OCA2: variants seen among roughly 807,000 people sequenced by gnomAD.
The protein encoded by OCA2 is OCA2 melanosomal transmembrane protein.
OCA2 carries 77 observed loss-of-function variants against 100.2 expected under a neutral mutation model. That is an observed-to-expected ratio of 0.77 (90% CI 0.64 to 0.93). OCA2 has a LOEUF of 0.93. OCA2 is among the 40% of genes least tolerant of loss of function. The probability of loss-of-function intolerance (pLI) is 0.00; values close to 1 mark genes in which losing one functional copy is unlikely to be tolerated. For synonymous variants in OCA2, 432 were observed against 439.2 expected, an observed-to-expected ratio of 0.98 and a Z score of 0.21; for missense variants, 1,062 against 1,089.1, an observed-to-expected ratio of 0.98 and a Z score of 0.35.
In OCA2 at chr15:28,027,897, G is replaced by A. The variant is rs753960045; in HGVS notation, c.489C>T (p.His163=). 2.5e-5 allele frequency: 40 copies of A among 1,613,498 alleles called. No homozygotes were observed. In the South Asian group the frequency reaches 3.7e-4, roughly 15 times the overall value. The change falls in exon 4 of 24, where the codon CAC becomes CAT. Residue 163 remains histidine, a synonymous_variant. Coordinates refer to ENST00000354638, the MANE Select transcript of OCA2 (RefSeq NM_000275.3). The part of the protein sequence containing the change: ...SEKGDLLDSP[H]IRLRLSKLRR... ...TCAGCTTGGAAAGACGGAGTCGGAT[G>A]TGCGGGCTGTCCAGAAGGTCTCCCT...
At position 28,081,707 on chromosome 15, in the gene OCA2, G is replaced by A. The variant is rs1015230945; in HGVS notation, c.168C>T (p.Ala56=). 12 of 1,613,682 alleles carry A rather than the reference G, an allele frequency of 7.4e-6. No individual in the cohort carries two copies. In the Middle Eastern group the frequency reaches 4.9e-4, roughly 66 times the overall value. Residue 56 remains alanine, a synonymous_variant, in exon 2 of 24, where the codon GCC becomes GCT. Coordinates refer to ENST00000354638, the MANE Select transcript of OCA2 (RefSeq NM_000275.3). ...CTGCAGGAGCCCAAGAGCTCTGCCC[G>A]GCAGCCCCCCTGGGGCAGGAGTGCG... ...DPSHSCPRGA[A]GQSSWAPAGQ... is the part of the protein sequence containing the mutation.
Position 27,874,107 on chromosome 15 carries a change from G to A in OCA2, c.2080-2185C>T, listed in dbSNP as rs542936579. Among the ~76,000 whole-genome samples the A allele has an allele frequency of 8.1e-4, 124 of 152,336 alleles. 1 individual carries two copies. Among genetic ancestry groups the A allele is most frequent in the Middle Eastern group, 6.8e-3 (2 of 294 alleles). ...TCATTGCTACCACTTATTTCAAAAT[G>A]ATAAACTAGGAGGTCTAAGAGTCCC... On this transcript the variant is annotated intron_variant, in intron 19 of 23. Coordinates refer to ENST00000354638, the MANE Select transcript of OCA2 (RefSeq NM_000275.3).
At chr15:27,735,746 A>AAAAAAAC in the OCA2 span, among the ~76,000 whole-genome samples, 1 of 151,848 alleles carries the variant, frequency 6.6e-6, no homozygotes, top group Non-Finnish European at 1.5e-5. Flanking sequence ...ACAAAAAAAC[A>AAAAAAAC]AAAAAACAAA....
chr15:28,054,208 G>GTGTA (rs920617033), intron 2 of OCA2, among the ~76,000 whole-genome samples: 1 of 149,152 alleles, frequency 6.7e-6, no homozygotes, highest in Admixed American at 6.6e-5. Context: ...ACATGTATGT[G>GTGTA]TGTATGTATG....
intron 18 of OCA2, among the ~76,000 whole-genome samples, chr15:27,932,018 C>T (rs1205258311): frequency 2.0e-5 from 3 of 152,178 alleles, no homozygotes; most frequent in Non-Finnish European, 4.4e-5. Flanking sequence ...AGCAAGGCAC[C>T]ACTTTGAATT....
At chr15:27,824,292 T>G (rs1050521667) in intron 23 of OCA2, among the ~76,000 whole-genome samples, 18 of 151,970 alleles carry the variant, frequency 1.2e-4, no homozygotes, top group Non-Finnish European at 2.4e-4. Context: ...TGCTTGAACC[T>G]GGGAGGCAGA....
intron 19 of OCA2, among the ~76,000 whole-genome samples, chr15:27,893,856 C>G (rs953767469): frequency 5.3e-5 from 8 of 152,056 alleles, no homozygotes; most frequent in African/African-American, 1.7e-4. Flanking sequence ...TTTGTTGGAC[C>G]CTTATCAGTG....
At chr15:28,044,809 G>T (rs1347755129) in intron 2 of OCA2, among the ~76,000 whole-genome samples, 1 of 152,006 alleles carries the variant, frequency 6.6e-6, no homozygotes, top group Non-Finnish European at 1.5e-5. Context: ...TACTTTTTCT[G>T]ATATTAATAT....
intron 19 of OCA2, among the ~76,000 whole-genome samples, chr15:27,921,613 A>G (rs2594919): frequency 0.64 from 97,140 of 152,102 alleles, 31,628 homozygotes; most frequent in East Asian, 0.96. Flanking sequence ...TCCGTGTATA[A>G]ATTTTGACTC....
At chr15:27,895,081 C>T (rs1278369669) in intron 19 of OCA2, among the ~76,000 whole-genome samples, 1 of 152,144 alleles carries the variant, frequency 6.6e-6, no homozygotes, top group Non-Finnish European at 1.5e-5. Context: ...ATTCCTGGGT[C>T]TTCTGTAGGC....
chr15:28,051,535 G>C (rs1006669464), intron 2 of OCA2, among the ~76,000 whole-genome samples: 9 of 147,116 alleles, frequency 6.1e-5, no homozygotes, highest in Non-Finnish European at 1.2e-4. Flanking sequence ...CAGGTGATCC[G>C]CCCGCCTCAG....
chr15:28,027,793 T>G, intron 4 of OCA2, 78 bp downstream of exon 4: 1 of 1,445,844 alleles, frequency 6.9e-7, no homozygotes, highest in Non-Finnish European at 9.6e-7. Flanking sequence ...CGCTGCTGGT[T>G]TGAAAGATGG....
At chr15:27,953,918 C>A (rs2040123650) in intron 17 of OCA2, among the ~76,000 whole-genome samples, 1 of 151,978 alleles carries the variant, frequency 6.6e-6, no homozygotes, top group South Asian at 2.1e-4. Context: ...CACTCCCACC[C>A]TTCCCCTCAA....
intron 21 of OCA2, among the ~76,000 whole-genome samples, chr15:27,853,588 A>G (rs1219501160): frequency 6.6e-6 from 1 of 152,022 alleles, no homozygotes; most frequent in Non-Finnish European, 1.5e-5. Context: ...AAAGAAAAAA[A>G]AAAAAAGAAA....
At chr15:27,793,847 G>A (rs137920156) in intron 23 of OCA2, among the ~76,000 whole-genome samples, 37 of 152,328 alleles carry the variant, frequency 2.4e-4, no homozygotes, top group African/African-American at 8.9e-4. Flanking sequence ...TTGCCAGGGG[G>A]CTGGGAGATG....
intron 2 of OCA2, 115 bp from the exon 3 acceptor site, chr15:28,032,278 G>A: frequency 1.2e-6 from 1 of 864,770 alleles, no homozygotes; most frequent in Admixed American, 1.9e-5. Context: ...AATCTTACAA[G>A]GAAATTTGCC....
chr15:27,792,583 G>A (rs2033136635), intron 23 of OCA2, among the ~76,000 whole-genome samples: 1 of 152,072 alleles, frequency 6.6e-6, no homozygotes, highest in African/African-American at 2.4e-5. Context: ...TTCCATCTAT[G>A]GGGTCCATAA....
intron 2 of OCA2, among the ~76,000 whole-genome samples, chr15:28,078,499 A>G (rs934086834): frequency 6.6e-6 from 1 of 152,202 alleles, no homozygotes; most frequent in African/African-American, 2.4e-5. Flanking sequence ...GCCCAGATGG[A>G]GTGGGCCCCT....
rs896517358 is a variant in OCA2 at position 28,014,916 on chromosome 15, T to C, written c.904A>G (p.Ile302Val). Residue 302 changes from isoleucine to valine, a missense_variant, in exon 9 of 24, where the codon ATC (isoleucine) becomes GTC (valine). By Grantham distance (29) the Ile-to-Val change is conservative (BLOSUM62 3). Coordinates refer to ENST00000354638, the MANE Select transcript of OCA2 (RefSeq NM_000275.3). ...TGCTGCAGGGAGGCCCGGATGCTGATGGACACCGTCTCTCTGCAGAACGAA... is the reference window on the plus strand; with the variant it reads ...TGCTGCAGGGAGGCCCGGATGCTGACGGACACCGTCTCTCTGCAGAACGAA... ...FEVLTRETVS[I>V]SIRASLQQTQ... 1.9e-6 allele frequency: 3 copies of C among 1,614,048 alleles called. No individual in the cohort carries two copies. Among genetic ancestry groups the C allele is most frequent in the East Asian group, 2.2e-5 (1 of 44,896 alleles).
Sources: gnomAD v4.1 joint callset for allele counts (sites outside exome capture counted in the v4.1 genomes callset) on GRCh38, gnomAD v4.1.1 for gene constraint, MANE v1.5 for transcripts, NCBI Gene and HGNC (gene_info 2026-07-23, HGNC 2026-07-21) for gene names.